The following TBCD variants were observed in gnomAD, a reference collection of about 807,000 sequenced individuals.
The protein encoded by TBCD is tubulin folding cofactor D, also known as tubulin-specific chaperone D.
TBCD carries 105 observed loss-of-function variants against 169.3 expected under a neutral mutation model. The observed-to-expected ratio is 0.62, with a 90% CI of 0.53 to 0.73. TBCD has a LOEUF of 0.73. Ranked by LOEUF, TBCD falls within the 30% of genes least tolerant of loss-of-function variation. TBCD has a pLI of 0.00. For synonymous variants in TBCD, 700 were observed against 643.9 expected (o/e 1.09, Z -1.32); for missense variants, 1,444 against 1,600.1 (o/e 0.90, Z 1.66).
At chr17:82,887,172 C>CGCGCGCGCGCGCGCACGT (rs1567961618) in intron 15 of TBCD, among the ~76,000 whole-genome samples, 1 of 46,450 alleles carries the variant, frequency 2.2e-5, no homozygotes, top group African/African-American at 1.1e-4. Flanking sequence ...TGTGTGTGCG[C>CGCGCGCGCGCGCGCACGT]GCGCGCGCAC....
rs764951777 is a variant in TBCD at position 82,942,555 on chromosome 17, C to T, written c.*92C>T. The T allele has an allele frequency of 2.3e-5, 36 of 1,575,732 alleles. No individual in the cohort carries two copies. The highest frequency in any genetic ancestry group is 3.1e-5 in the Non-Finnish European group (36 of 1,147,966). On this transcript the variant is annotated 3_prime_UTR_variant, in exon 39 of 39. Coordinates refer to ENST00000355528, the MANE Select transcript of TBCD (RefSeq NM_005993.5). ...TGTGGAAAGCCTCGCACAGTGGTGCCTCCAGCTGTTGAAGGGTAGCGCTGG... is the reference window on the plus strand; with the variant it reads ...TGTGGAAAGCCTCGCACAGTGGTGCTTCCAGCTGTTGAAGGGTAGCGCTGG...
chr17:82,913,602 T>A (rs1276407973), intron 23 of TBCD: 1 of 152,066 alleles, frequency 6.6e-6, no homozygotes, highest in African/African-American at 2.4e-5. Context: ...GGCGATGGAG[T>A]TGAATGCGTT....
At chr17:82,921,341 TAACAC>T (rs1304993689) in intron 24 of TBCD, 155 bp from the exon 25 acceptor site, 53 of 659,584 alleles carry the variant, frequency 8.0e-5, no homozygotes, top group Admixed American at 2.4e-4. Context: ...GCCTTAGACT[TAACAC>T]AACGTGGAGA....
chr17:82,758,754 G>A (rs112128529), intron 2 of TBCD, among the ~76,000 whole-genome samples: 6 of 149,916 alleles, frequency 4.0e-5, no homozygotes, highest in African/African-American at 1.5e-4. Context: ...CTGCCTCCAG[G>A]GTTCAAGCGA....
chr17:82,852,912 A>T (rs1046010443), intron 13 of TBCD, among the ~76,000 whole-genome samples: 1 of 152,156 alleles, frequency 6.6e-6, no homozygotes, highest in Non-Finnish European at 1.5e-5. Flanking sequence ...AGTTAAGGGA[A>T]TGAACGTATT....
intron 20 of TBCD, 85 bp from the exon 21 acceptor site, chr17:82,907,676 G>T: frequency 6.8e-7 from 1 of 1,470,008 alleles, no homozygotes; most frequent in South Asian, 1.2e-5. Flanking sequence ...AGGGTCTTGG[G>T]GAGTGTGGCC....
intron 13 of TBCD, among the ~76,000 whole-genome samples, chr17:82,826,915 G>A (rs769554367): frequency 3.3e-5 from 5 of 152,024 alleles, no homozygotes; most frequent in African/African-American, 2.4e-5. Flanking sequence ...AGCTGGGACC[G>A]CAGGTATGTG....
intron 23 of TBCD, among the ~76,000 whole-genome samples, chr17:82,916,137 T>G (rs1445981386): frequency 6.6e-6 from 1 of 152,118 alleles, no homozygotes; most frequent in Non-Finnish European, 1.5e-5. Context: ...TTTCTCACCT[T>G]CTAAGAGGAC....
chr17:82,898,492 A>G (rs1238638023), intron 17 of TBCD, among the ~76,000 whole-genome samples: 1 of 152,110 alleles, frequency 6.6e-6, no homozygotes, highest in Admixed American at 6.5e-5. Flanking sequence ...GAGGCTGAAC[A>G]CCGCTTCAAG....
At chr17:82,836,190 A>G (rs916622513) in intron 13 of TBCD, among the ~76,000 whole-genome samples, 2 of 152,364 alleles carry the variant, frequency 1.3e-5, no homozygotes, top group South Asian at 2.1e-4. Flanking sequence ...GCCTCCCTTC[A>G]GGAAGTAGAG....
chr17:82,795,709 C>G (rs1037244966), intron 7 of TBCD: 7 of 688,618 alleles, frequency 1.0e-5, no homozygotes, highest in Non-Finnish European at 1.3e-5. Context: ...TCTGTGGCCT[C>G]GCAGGGTGGG....
chr17:82,872,069 C>T (rs2057608543), intron 14 of TBCD, among the ~76,000 whole-genome samples: 1 of 152,208 alleles, frequency 6.6e-6, no homozygotes, highest in Non-Finnish European at 1.5e-5. Flanking sequence ...GGACCTCAAC[C>T]CGGTTACTTC....
intron 20 of TBCD, 92 bp from the exon 21 acceptor site, chr17:82,907,669 G>A: frequency 2.1e-6 from 3 of 1,409,770 alleles, no homozygotes; most frequent in Non-Finnish European, 2.0e-6. Context: ...TGGGGTTAGG[G>A]TCTTGGGGAG....
Position 82,831,245 on chromosome 17 carries a change from C to G in TBCD, c.1318+16311C>G, listed in dbSNP as rs200563495. ...GGGGAGCCCGTGGCTGCACTCCCTG[C>G]GCGGGGGCTCATTTTGGACCCTTCC... On this transcript the variant is annotated intron_variant, in intron 13 of 38. Coordinates refer to ENST00000355528, the MANE Select transcript of TBCD (RefSeq NM_005993.5). The surrounding 1 kb of genome is among the most constrained non-coding windows in gnomAD (Gnocchi z 4.6). The G allele has an allele frequency of 3.2e-5, 52 of 1,613,766 alleles. No individual in the cohort carries two copies. Among genetic ancestry groups the G allele is most frequent in the Non-Finnish European group, 4.4e-5 (52 of 1,180,048 alleles).
chr17:82,784,927 A>G (rs945157997), intron 7 of TBCD, among the ~76,000 whole-genome samples: 10 of 152,054 alleles, frequency 6.6e-5, no homozygotes, highest in African/African-American at 2.4e-4. Context: ...GACCCGACCC[A>G]TCGCAGCGAC....
intron 7 of TBCD, among the ~76,000 whole-genome samples, chr17:82,783,981 C>T (rs2049126686): frequency 6.6e-6 from 1 of 151,978 alleles, no homozygotes; most frequent in Admixed American, 6.6e-5. Flanking sequence ...AAAAAATAGC[C>T]AGGCATAGTG....
intron 23 of TBCD, among the ~76,000 whole-genome samples, chr17:82,919,298 A>T (rs967377189): frequency 1.3e-5 from 2 of 152,040 alleles, no homozygotes; most frequent in Non-Finnish European, 2.9e-5. Context: ...CCCTCTTGGC[A>T]TGTAATCCCC....
rs1206383892 is a variant in TBCD, at chr17:82,874,142, G to T, written c.1475+3762G>T. ...GCTCCCTGGGGGTTGTGTGTGTGTG[G>T]GTCCCACGGTGGGAGGTGGGGTTGG... On this transcript the variant is annotated intron_variant, in intron 14 of 38. Coordinates refer to ENST00000355528, the MANE Select transcript of TBCD (RefSeq NM_005993.5). This position sits in a 1 kb window ranked among gnomAD's most constrained non-coding sequence, Gnocchi z 5.0. Among the ~76,000 whole-genome samples, 2 of 152,170 alleles carry T rather than the reference G, an allele frequency of 1.3e-5. No individual in the cohort carries two copies. Among genetic ancestry groups the T allele is most frequent in the Admixed American group, 6.5e-5 (1 of 15,282 alleles).
chr17:82,786,365 T>A (rs774601417), intron 7 of TBCD, among the ~76,000 whole-genome samples: 3 of 152,228 alleles, frequency 2.0e-5, no homozygotes, highest in African/African-American at 7.2e-5. Context: ...CCAATGGCTC[T>A]GCCCCGAGTG....
Sources: gnomAD v4.1 joint callset for allele counts (sites outside exome capture counted in the v4.1 genomes callset) on GRCh38, gnomAD v4.1.1 for gene constraint, Gnocchi (gnomAD v3.1) non-coding constraint, MANE v1.5 for transcripts, NCBI Gene and HGNC (gene_info 2026-07-23, HGNC 2026-07-21) for gene names.